ATRNL1: variants seen among roughly 807,000 people sequenced by gnomAD.
ATRNL1 encodes the protein attractin-like protein 1.
ATRNL1 carries 95 observed loss-of-function variants against 182.7 expected under a neutral mutation model. The ratio of observed to expected loss-of-function variants is 0.52; its 90% CI spans 0.44 to 0.62. The LOEUF (loss-of-function observed/expected upper bound fraction) is 0.62. Among genes scored for constraint, ATRNL1 ranks in the 20% least tolerant of loss-of-function variants. The pLI is 0.00. For synonymous variants in ATRNL1, 576 were observed against 568.3 expected, an observed-to-expected ratio of 1.01 and a Z score of -0.19; for missense variants, 1,471 against 1,679.5, an observed-to-expected ratio of 0.88 and a Z score of 2.17.
At chr10:115,388,820 T>C (rs1456856905) in intron 19 of ATRNL1, among the ~76,000 whole-genome samples, 3 of 152,060 alleles carry the variant, frequency 2.0e-5, no homozygotes, top group Non-Finnish European at 4.4e-5. Context: ...TATTTTTAAT[T>C]TTAATTGACA....
rs116717229 is a variant in ATRNL1, at chr10:115,688,996, C to T, written c.3796-38252C>T. ...TTGTGTATGATGAGAGATAGGGGTC[C>T]GAGTTTCATTCTTCTGCATACAGTT... On this transcript the variant is annotated intron_variant, in intron 26 of 28. Coordinates refer to ENST00000355044, the MANE Select transcript of ATRNL1 (RefSeq NM_207303.4). Among the ~76,000 whole-genome samples, 839 of 152,038 alleles carry T rather than the reference C, an allele frequency of 5.5e-3. 7 individuals carry two copies. The highest frequency in any genetic ancestry group is 0.019 in the African/African-American group (808 of 41,466).
chr10:115,801,475 T>C (rs1240712060), intron 27 of ATRNL1, among the ~76,000 whole-genome samples: 6 of 152,244 alleles, frequency 3.9e-5, no homozygotes, highest in African/African-American at 1.2e-4. Context: ...TTAACCATTC[T>C]GCCCTTTATT....
At chr10:115,669,905 A>G (rs1382443054) in intron 26 of ATRNL1, among the ~76,000 whole-genome samples, 1 of 152,018 alleles carries the variant, frequency 6.6e-6, no homozygotes, top group Non-Finnish European at 1.5e-5. Context: ...AGGTGTTATT[A>G]CTTAGAGGTG....
chr10:115,460,024 T>C (rs1554969422), intron 21 of ATRNL1, among the ~76,000 whole-genome samples: 1 of 152,196 alleles, frequency 6.6e-6, no homozygotes, highest in African/African-American at 2.4e-5. Flanking sequence ...CTTTTAAACA[T>C]TGTATTTACT....
chr10:115,839,314 A>C (rs1335685792), intron 27 of ATRNL1, among the ~76,000 whole-genome samples: 2 of 152,092 alleles, frequency 1.3e-5, no homozygotes, highest in Non-Finnish European at 2.9e-5. Flanking sequence ...TGTGTGCTGC[A>C]CGTGTCCGTT....
At chr10:115,742,434 A>G (rs1476190231) in intron 27 of ATRNL1, among the ~76,000 whole-genome samples, 3 of 152,152 alleles carry the variant, frequency 2.0e-5, no homozygotes, top group Non-Finnish European at 2.9e-5. Context: ...CGATGATCTT[A>G]TAATTTTTCA....
intron 27 of ATRNL1, among the ~76,000 whole-genome samples, chr10:115,770,628 C>A (rs1246972474): frequency 6.6e-6 from 1 of 152,012 alleles, no homozygotes; most frequent in Non-Finnish European, 1.5e-5. Flanking sequence ...TAACTGAAGT[C>A]AATAAAACAA....
At chr10:115,566,191 TC>T (rs1555001759) in intron 26 of ATRNL1, among the ~76,000 whole-genome samples, 3 of 152,086 alleles carry the variant, frequency 2.0e-5, no homozygotes, top group African/African-American at 7.2e-5. Context: ...TACCTCAGCT[TC>T]CCAAATTGTT....
intron 21 of ATRNL1, among the ~76,000 whole-genome samples, chr10:115,441,125 A>C (rs2134446702): frequency 6.6e-6 from 1 of 151,954 alleles, no homozygotes; most frequent in South Asian, 2.1e-4. Context: ...TTTGCTCTAA[A>C]TTTTATACCT....
chr10:115,371,362 C>T (rs1209473590), intron 19 of ATRNL1, among the ~76,000 whole-genome samples: 1 of 152,186 alleles, frequency 6.6e-6, no homozygotes, highest in Non-Finnish European at 1.5e-5. Flanking sequence ...GGAAAAGCCA[C>T]AGACACTCAA....
At chr10:115,499,733 G>A (rs1849720752) in intron 24 of ATRNL1, among the ~76,000 whole-genome samples, 2 of 152,144 alleles carry the variant, frequency 1.3e-5, no homozygotes, top group South Asian at 4.1e-4. Context: ...CCTCTCCAAA[G>A]GAGGCAATCA....
intron 26 of ATRNL1, among the ~76,000 whole-genome samples, chr10:115,602,771 G>C (rs181786595): frequency 6.6e-6 from 1 of 150,918 alleles, no homozygotes; most frequent in African/African-American, 2.4e-5. Flanking sequence ...GGAGAATGGG[G>C]TGAACCCAGG....
intron 8 of ATRNL1, among the ~76,000 whole-genome samples, chr10:115,179,799 A>G (rs1352763468): frequency 5.9e-5 from 9 of 152,084 alleles, no homozygotes; most frequent in Admixed American, 4.6e-4. Flanking sequence ...GTCCATTTCT[A>G]TGCTTATTTT....
chr10:115,585,185 G>A (rs1855433766), intron 26 of ATRNL1, among the ~76,000 whole-genome samples: 1 of 88,606 alleles, frequency 1.1e-5, no homozygotes, highest in South Asian at 4.0e-4. Flanking sequence ...GGTCAATTTT[G>A]GAATAGGTGT....
At chr10:115,898,084 C>T (rs200394263) in intron 28 of ATRNL1, among the ~76,000 whole-genome samples, 8 of 151,974 alleles carry the variant, frequency 5.3e-5, no homozygotes, top group Admixed American at 1.3e-4. Flanking sequence ...TGCACCACCA[C>T]GCCCAGCTAA....
intron 27 of ATRNL1, among the ~76,000 whole-genome samples, chr10:115,780,563 G>A (rs1304988202): frequency 6.6e-6 from 1 of 152,150 alleles, no homozygotes; most frequent in Non-Finnish European, 1.5e-5. Flanking sequence ...TTCTGTTTGA[G>A]GAGAGGAGAG....
chr10:115,096,938 C>G (rs2085025961), intron 1 of ATRNL1: 1 of 461,248 alleles, frequency 2.2e-6, no homozygotes, highest in Non-Finnish European at 3.0e-6. Context: ...ATCAAAGATA[C>G]AGACTCTAAT....
chr10:115,437,709 CAT>C (rs1270327591), intron 21 of ATRNL1, among the ~76,000 whole-genome samples: 1 of 151,960 alleles, frequency 6.6e-6, no homozygotes, highest in East Asian at 1.9e-4. Flanking sequence ...TATTAACAAA[CAT>C]ATGAATATAA....
chr10:115,888,723 C>G (rs1181297380), intron 28 of ATRNL1, among the ~76,000 whole-genome samples: 1 of 152,146 alleles, frequency 6.6e-6, no homozygotes, highest in Non-Finnish European at 1.5e-5. Context: ...TCACCCATAC[C>G]CAGTTCAGCT....
Sources: gnomAD v4.1 joint callset for allele counts (sites outside exome capture counted in the v4.1 genomes callset) on GRCh38, gnomAD v4.1.1 for gene constraint, MANE v1.5 for transcripts, NCBI Gene and HGNC (gene_info 2026-07-23, HGNC 2026-07-21) for gene names.